ACLY: variants seen among roughly 807,000 people sequenced by gnomAD.
The protein encoded by ACLY is ATP-citrate synthase.
ACLY carries 41 observed loss-of-function variants against 133.0 expected under a neutral mutation model. The observed-to-expected ratio is 0.31, with a 90% CI of 0.24 to 0.40. The LOEUF is 0.40. Among genes scored for constraint, ACLY ranks in the 10% least tolerant of loss-of-function variants. ACLY has a pLI of 1.00. For synonymous variants in ACLY, 495 were observed against 549.3 expected, an observed-to-expected ratio of 0.90 and a Z score of 1.38; for missense variants, 1,046 against 1,453.8, an observed-to-expected ratio of 0.72 and a Z score of 4.56.
chr17:41,892,150 G>A (rs2049231542), intron 16 of ACLY, 129 bp downstream of exon 16: 2 of 895,202 alleles, frequency 2.2e-6, no homozygotes, highest in Admixed American at 3.1e-5. Context: ...CTTTGTCCCA[G>A]GCAGCAGTGA....
intron 17 of ACLY, 79 bp downstream of exon 17, chr17:41,887,520 C>CAA: frequency 4.1e-6 from 5 of 1,233,568 alleles, no homozygotes; most frequent in Non-Finnish European, 4.8e-6. Context: ...ATAGAGGAGT[C>CAA]AAAAAGTAAA....
At chr17:41,919,040 G>T (rs1260061387), upstream of ACLY, 2 of 1,283,750 alleles carry the variant, frequency 1.6e-6, no homozygotes, top group Admixed American at 2.3e-5. Flanking sequence ...ACGGCCCCGC[G>T]ATTGGCCACA....
At chr17:41,918,145 AG>A (rs1350042063) in intron 1 of ACLY, among the ~76,000 whole-genome samples, 1 of 152,240 alleles carries the variant, frequency 6.6e-6, no homozygotes, top group African/African-American at 2.4e-5. Context: ...AGCATCCTCC[AG>A]CCCCTTGAGG....
At chr17:41,889,173 T>C (rs2049133825) in intron 16 of ACLY, among the ~76,000 whole-genome samples, 1 of 151,314 alleles carries the variant, frequency 6.6e-6, no homozygotes, top group Admixed American at 6.6e-5. Flanking sequence ...TAAAACTAGG[T>C]GATGTGCTAG....
chr17:41,908,864 T>C, intron 6 of ACLY, 125 bp downstream of exon 6: 1 of 773,014 alleles, frequency 1.3e-6, no homozygotes, highest in South Asian at 1.5e-5. Flanking sequence ...GGGACCCCTC[T>C]GCTTGTGCAC....
At chr17:41,915,861 G>C (rs537532318) in intron 1 of ACLY, among the ~76,000 whole-genome samples, 1 of 152,242 alleles carries the variant, frequency 6.6e-6, no homozygotes, top group African/African-American at 2.4e-5. Flanking sequence ...AGAGAGGAGG[G>C]GGCAGTGGCT....
Position 41,913,775 on chromosome 17 carries a change from C to T in ACLY, c.99G>A (p.Arg33=). 1 of 1,614,188 alleles carries T rather than the reference C, an allele frequency of 6.2e-7. No homozygotes were observed. Among genetic ancestry groups the T allele is most frequent in the African/African-American group, 1.3e-5 (1 of 75,050 alleles). The change falls in exon 2 of 29, where the codon CGG becomes CGA. Residue 33 remains arginine (R), a synonymous_variant. Coordinates refer to ENST00000352035, the MANE Select transcript of ACLY (RefSeq NM_001096.3). ...GGGCCCAGTCTGTGTCAGGAGTGACCCGAGCATACTTGAACCGATTCTGGA... is the reference window on the plus strand; with the variant it reads ...GGGCCCAGTCTGTGTCAGGAGTGACTCGAGCATACTTGAACCGATTCTGGA... The part of the protein sequence containing the change: ...SAIQNRFKYA[R]VTPDTDWARL...
intron 1 of ACLY, among the ~76,000 whole-genome samples, chr17:41,926,299 C>G (rs1372190845): frequency 6.6e-6 from 1 of 152,190 alleles, no homozygotes; most frequent in Non-Finnish European, 1.5e-5. Context: ...TAGGCCCCAA[C>G]CCAGCTCACT....
chr17:41,887,814 A>C (rs1555628553), intron 16 of ACLY, 111 bp from the exon 17 acceptor site: 3 of 861,698 alleles, frequency 3.5e-6, no homozygotes, highest in Non-Finnish European at 5.8e-6. Flanking sequence ...TCCAGGGTCC[A>C]AGAACAAAGT....
intron 10 of ACLY, among the ~76,000 whole-genome samples, chr17:41,903,244 G>A (rs2049588764): frequency 6.6e-6 from 1 of 152,028 alleles, no homozygotes; most frequent in African/African-American, 2.4e-5. Context: ...GGCCTCCTTG[G>A]GTGGCTATCT....
intron 8 of ACLY, among the ~76,000 whole-genome samples, chr17:41,906,137 T>G (rs1266682039): frequency 1.3e-5 from 2 of 152,170 alleles, no homozygotes; most frequent in African/African-American, 2.4e-5. Flanking sequence ...ATCCTAATAT[T>G]CTATAAAGCA....
Position 41,910,211 on chromosome 17 carries a change from C to T in ACLY, c.345+11G>A. On this transcript the variant is annotated intron_variant, in intron 4 of 28. Coordinates refer to ENST00000352035, the MANE Select transcript of ACLY (RefSeq NM_001096.3). ...GGGAGAAGACCCAGCCTGGAGCCGC[C>T]TCACACATACCTGACTGTGGGGGAC... The T allele has an allele frequency of 6.2e-7, 1 of 1,613,056 alleles. No individual in the cohort carries two copies. The highest frequency in any genetic ancestry group is 8.5e-7 in the Non-Finnish European group (1 of 1,179,526).
chr17:41,914,592 G>C (rs1402170814), intron 1 of ACLY, among the ~76,000 whole-genome samples: 1 of 152,138 alleles, frequency 6.6e-6, no homozygotes, highest in African/African-American at 2.4e-5. Flanking sequence ...CCTGAGTATG[G>C]AGCAGACACA....
At position 41,906,410 on chromosome 17, in the gene ACLY, G is replaced by A. The variant is rs148884357; in HGVS notation, c.866+118C>T. 712 of 856,708 alleles carry A rather than the reference G, an allele frequency of 8.3e-4. 5 individuals are homozygous for A. The African/African-American group carries it at 0.011, about 13-fold the overall frequency. 53.1% of individuals were successfully genotyped at this position (856,708 alleles called of 1,614,324 possible). A position where few individuals can be genotyped will look rare whatever the true frequency, so the allele number is the denominator to read the frequency against. On this transcript the variant is annotated intron_variant, in intron 8 of 28. Transcript: ENST00000352035. ...CCTCGAAGCCCTCTGGGATGCCACT[G>A]CTTTCCTCTGCCCCAAATTCCCACA...
chr17:41,901,505 T>C (rs879950986), intron 11 of ACLY, among the ~76,000 whole-genome samples, 191 bp downstream of exon 11: 4 of 144,966 alleles, frequency 2.8e-5, no homozygotes, highest in African/African-American at 5.1e-5. Flanking sequence ...TCAATGAAAA[T>C]GCTTTCCTGA....
intron 1 of ACLY, among the ~76,000 whole-genome samples, chr17:41,914,616 G>A (rs2050000765): frequency 6.6e-6 from 1 of 152,180 alleles, no homozygotes; most frequent in Non-Finnish European, 1.5e-5. Flanking sequence ...CAGGGAAACC[G>A]ACCTTTAGCA....
At chr17:41,928,852 T>TAAAAA (rs11428338) in intron 1 of ACLY, among the ~76,000 whole-genome samples, 4 of 119,824 alleles carry the variant, frequency 3.3e-5, no homozygotes, top group Admixed American at 1.8e-4. Flanking sequence ...GACTCCACCA[T>TAAAAA]AAAAAAAAAA....
intron 22 of ACLY, among the ~76,000 whole-genome samples, chr17:41,876,359 C>G (rs1222829967): frequency 6.6e-6 from 1 of 151,904 alleles, no homozygotes; most frequent in African/African-American, 2.4e-5. Context: ...CCCGGCCGCC[C>G]CTACTGGGAA....
At chr17:41,903,857 C>T (rs1737847649) in intron 10 of ACLY, among the ~76,000 whole-genome samples, 1 of 150,348 alleles carries the variant, frequency 6.7e-6, no homozygotes. Context: ...TGGTGGTTCA[C>T]ACCTGTAATA....
Sources: allele counts gnomAD v4.1 joint callset (sites outside exome capture counted in the v4.1 genomes callset), GRCh38; gene constraint gnomAD v4.1.1; transcripts MANE v1.5; gene names NCBI Gene and HGNC (gene_info 2026-07-23, HGNC 2026-07-21).